SRRD: variants seen among roughly 807,000 people sequenced by gnomAD.
SRRD encodes the protein SRR1 domain containing.
SRRD carries 28 observed loss-of-function variants against 30.7 expected under a neutral mutation model. The ratio of observed to expected loss-of-function variants is 0.91; its 90% confidence interval spans 0.68 to 1.25. The LOEUF (loss-of-function observed/expected upper bound fraction) is 1.25. Among genes scored for constraint, SRRD ranks in the 50% most tolerant of loss-of-function variants. SRRD has a pLI of 0.00. For synonymous variants in SRRD, 161 were observed against 159.6 expected (o/e 1.01, Z -0.07); for missense variants, 415 against 417.3 (o/e 0.99, Z 0.05).
chr22:26,490,970 T>C, intron 5 of SRRD, 55 bp from the exon 6 acceptor site: 2 of 1,490,548 alleles, frequency 1.3e-6, no homozygotes, highest in South Asian at 1.2e-5. Flanking sequence ...ACTATCCTCA[T>C]ACCTCCTAAT....
At chr22:26,491,167 A>C (rs755600408) in intron 6 of SRRD, 97 bp downstream of exon 6, 3 of 1,232,810 alleles carry the variant, frequency 2.4e-6, no homozygotes, top group Non-Finnish European at 3.5e-6. Flanking sequence ...TCATGGGCTA[A>C]GTGGCGCTAG....
In SRRD at chr22:26,488,212, G is replaced by C; in HGVS notation, c.434G>C (p.Gly145Ala). Residue 145 changes from glycine to alanine, a missense_variant, in exon 3 of 7, where the codon GGC becomes GCC. Physicochemically the swap from Gly to Ala is moderately conservative, Grantham distance 60. Transcript: ENST00000215917. ...TGCCATTTGAAGTGTGTGTGTTACG[G>C]CATTGGGAACTTTGCCACCTGCATC... is the stretch of plus-strand genomic sequence containing the variant. ...GTCHLKCVCYGIGNFATCIVA... is the reference protein window; with the variant it reads ...GTCHLKCVCYAIGNFATCIVA... The C allele has an allele frequency of 6.2e-7, 1 of 1,614,170 alleles. No individual in the cohort carries two copies. The highest frequency in any genetic ancestry group is 8.5e-7 in the Non-Finnish European group (1 of 1,180,026).
chr22:26,490,033 C>A lies in SRRD; in HGVS notation c.610-11C>A. 6.2e-7 allele frequency: 1 copy of A among 1,613,724 alleles called. No homozygotes were observed. Among genetic ancestry groups the A allele is most frequent in the Non-Finnish European group, 8.5e-7 (1 of 1,179,728 alleles). ...TGGGCATGTTTACACCTGTGAATAT[C>A]GTATCCCCAGGAAGGGAAACGGAGT... is the stretch of plus-strand genomic sequence containing the variant. On this transcript the variant is annotated splice_polypyrimidine_tract_variant and intron_variant, in intron 4 of 6. Transcript: ENST00000215917.
intron 4 of SRRD, 144 bp from the exon 5 acceptor site, chr22:26,489,900 G>A (rs1033945308): frequency 1.0e-5 from 8 of 779,368 alleles, no homozygotes; most frequent in East Asian, 7.8e-5. Context: ...TTTCATATAC[G>A]AGTGTAACTG....
In SRRD at chr22:26,484,001, AGAGG is replaced by A; in HGVS notation, c.112_115del (p.Glu38ArgfsTer45). 1 of 28,258 alleles carries A rather than the reference AGAGG, an allele frequency of 3.5e-5. No individual in the cohort carries two copies. The highest frequency in any genetic ancestry group is 1.5e-3 in the South Asian group (1 of 684). 1.8% of individuals were successfully genotyped at this position (28,258 alleles called of 1,614,324 possible). The stretch of plus-strand genomic sequence containing the variant: ...GGAGGGAGGCGGCGCCCCGGGGGAG[AGAGG>A]CGGCGCCCCGGGGGAGAGAGGCGGC... On this transcript the variant is annotated frameshift_variant, in exon 1 of 7. Coordinates refer to ENST00000215917, the MANE Select transcript of SRRD (RefSeq NM_001013694.3). LOFTEE classifies it high-confidence loss of function.
chr22:26,488,491 A>G lies in SRRD; in HGVS notation c.609+3A>G. 6.2e-7 allele frequency: 1 copy of G among 1,608,704 alleles called. No homozygotes were observed. The highest frequency in any genetic ancestry group is 8.5e-7 in the Non-Finnish European group (1 of 1,175,056). On this transcript the variant is annotated splice_donor_region_variant and intron_variant, in intron 4 of 6. Coordinates refer to ENST00000215917, the MANE Select transcript of SRRD (RefSeq NM_001013694.3). Reference sequence around the variant, plus strand: ...TGACTGTTCTCAGTGAGAACGAGGTAAGTGGTTTAAAGGGGAGCAGACAGA... The same window carrying G: ...TGACTGTTCTCAGTGAGAACGAGGTGAGTGGTTTAAAGGGGAGCAGACAGA...
Position 26,493,923 on chromosome 22 carries a change from G to A in SRRD, c.*2251G>A. 1.8e-6 allele frequency: 1 copy of A among 540,868 alleles called. No homozygotes were observed. Among genetic ancestry groups the A allele is most frequent in the East Asian group, 3.3e-5 (1 of 30,406 alleles). The allele number at this position is 540,868 out of a possible 1,614,324, so 33.5% of individuals were successfully genotyped here. On this transcript the variant is annotated 3_prime_UTR_variant, in exon 7 of 7. Transcript: ENST00000215917. ...TCCAGCTTAAGTCAGTCTCCACTCAGGGAAGATGCCCCTCTCAGTCATGGT... is the reference window on the plus strand; with the variant it reads ...TCCAGCTTAAGTCAGTCTCCACTCAAGGAAGATGCCCCTCTCAGTCATGGT...
rs1198908594 is a variant in SRRD at position 26,490,349 on chromosome 22, A to G, written c.764+151A>G. 4 of 943,632 alleles carry G rather than the reference A, an allele frequency of 4.2e-6. No individual in the cohort carries two copies. The Admixed American group carries it at 1.2e-4, about 27-fold the overall frequency. The allele number at this position is 943,632 out of a possible 1,614,324, so 58.5% of individuals were successfully genotyped here. On this transcript the variant is annotated intron_variant, in intron 5 of 6. Transcript: ENST00000215917. The stretch of plus-strand genomic sequence containing the variant: ...GGATGAAGGCTTAAAGACAGATGTC[A>G]AATCCTGATTCGAACTATGAAGCAA...
Position 26,484,036 on chromosome 22 carries a change from G to GGGGGAGAGAGGCGGCGCCCCC in SRRD, c.149_150insGAGAGAGGCGGCGCCCCCGGG (p.Gly50_Pro51insArgGluAlaAlaProProGly). ...CCCCGGGGGAGAGAGGCGGCGCCCC[G>GGGGGAGAGAGGCGGCGCCCCC]GGGCCCCGAGGCGGAGTTCGAGTCT... is the stretch of plus-strand genomic sequence containing the variant. On this transcript the variant is annotated inframe_insertion, in exon 1 of 7. Transcript: ENST00000215917. 1 of 1,294,888 alleles carries GGGGGAGAGAGGCGGCGCCCCC rather than the reference G, an allele frequency of 7.7e-7. No homozygotes were observed. The highest frequency in any genetic ancestry group is 1.8e-5 in the African/African-American group (1 of 57,092). 80.2% of individuals were successfully genotyped at this position (1,294,888 alleles called of 1,614,324 possible). A position where few individuals can be genotyped will look rare whatever the true frequency, so the allele number is the denominator to read the frequency against.
rs532025998 is a variant in SRRD at position 26,494,064 on chromosome 22, C to T, written c.*2392C>T. 540 of 1,556,384 alleles carry T rather than the reference C, an allele frequency of 3.5e-4. 8 individuals are homozygous for T. In the South Asian group the frequency reaches 4.6e-3, roughly 13 times the overall value. On this transcript the variant is annotated 3_prime_UTR_variant, in exon 7 of 7. Coordinates refer to ENST00000215917, the MANE Select transcript of SRRD (RefSeq NM_001013694.3). ...GGCTGCCTACAGGAACCAGAAAACT[C>T]TGATTCTGTGTCATTTACATGTGTA... is the stretch of plus-strand genomic sequence containing the variant.
chr22:26,490,993 TTTTTG>T (rs1201325874), intron 5 of SRRD, 27 bp from the exon 6 acceptor site: 3 of 1,592,536 alleles, frequency 1.9e-6, no homozygotes, highest in Non-Finnish European at 2.6e-6. Context: ...TGGTGTTTTT[TTTTTG>T]TTTTTTTGGT....
chr22:26,484,196 T>A, intron 1 of SRRD, 97 bp downstream of exon 1: 1 of 1,226,628 alleles, frequency 8.2e-7, no homozygotes, highest in Non-Finnish European at 1.1e-6. Context: ...ATGCACACCC[T>A]TTAAGGAGTT....
Position 26,494,459 on chromosome 22 carries a change from T to A in SRRD, c.*2787T>A. On this transcript the variant is annotated 3_prime_UTR_variant, in exon 7 of 7. Coordinates refer to ENST00000215917, the MANE Select transcript of SRRD (RefSeq NM_001013694.3). ...AGCTAAACAGTCTAGCACTTATGAATATGGATTTTGGAGTCAGCCTGGTAG... is the reference window on the plus strand; with the variant it reads ...AGCTAAACAGTCTAGCACTTATGAAAATGGATTTTGGAGTCAGCCTGGTAG... 1.1e-6 allele frequency: 1 copy of A among 947,150 alleles called. No homozygotes were observed. Among genetic ancestry groups the A allele is most frequent in the Non-Finnish European group, 1.6e-6 (1 of 634,460 alleles). The allele number at this position is 947,150 out of a possible 1,614,324, so 58.7% of individuals were successfully genotyped here. A position where few individuals can be genotyped will look rare whatever the true frequency, so the allele number is the denominator to read the frequency against.
Position 26,490,125 on chromosome 22 carries a change from TGGAGTAA to T in SRRD, c.692_698del (p.Trp231SerfsTer4). The stretch of plus-strand genomic sequence containing the variant: ...GACGGCCTTGTACAACAATCTTTTA[TGGAGTAA>T]CTGGTCAGTAGATGCCCTTTCTAAG... On this transcript the variant is annotated frameshift_variant, in exon 5 of 7. Coordinates refer to ENST00000215917, the MANE Select transcript of SRRD (RefSeq NM_001013694.3). LOFTEE classifies it high-confidence loss of function. 2 of 1,614,174 alleles carry T rather than the reference TGGAGTAA, an allele frequency of 1.2e-6. No homozygotes were observed. The highest frequency in any genetic ancestry group is 4.5e-5 in the East Asian group (2 of 44,880).
intron 2 of SRRD, among the ~76,000 whole-genome samples, chr22:26,487,621 A>G (rs965655744): frequency 1.8e-4 from 28 of 152,228 alleles, no homozygotes; most frequent in Admixed American, 1.2e-3. Flanking sequence ...TAGGCCTCCC[A>G]AAGTGCTAGG....
At chr22:26,490,892 G>A in intron 5 of SRRD, 133 bp from the exon 6 acceptor site, 2 of 831,072 alleles carry the variant, frequency 2.4e-6, no homozygotes, top group Non-Finnish European at 3.8e-6. Context: ...CACATCTTGA[G>A]TTTTTTCCTG....
At position 26,488,146 on chromosome 22, in the gene SRRD, C is replaced by A. The variant is rs761494589; in HGVS notation, c.368C>A (p.Ala123Asp). ...LDSLPEESDV[A>D]TDSIPREILV... ...TCATTGCCAGAGGAGTCAGATGTGGCCACTGATTCTATCCCAAGAGAGATC... is the reference window on the plus strand; with the variant it reads ...TCATTGCCAGAGGAGTCAGATGTGGACACTGATTCTATCCCAAGAGAGATC... The change falls in exon 3 of 7, where the codon GCC becomes GAC. Residue 123 changes from alanine to aspartate, a missense_variant. By Grantham distance (126) the Ala-to-Asp change is moderately radical (BLOSUM62 -2). Transcript: ENST00000215917. 1.2e-6 allele frequency: 2 copies of A among 1,614,180 alleles called. No individual in the cohort carries two copies. Among genetic ancestry groups the A allele is most frequent in the Non-Finnish European group, 1.7e-6 (2 of 1,180,030 alleles).
chr22:26,486,915 T>C lies in SRRD; in HGVS notation c.250+852T>C, dbSNP rs1384499599. On this transcript the variant is annotated intron_variant, in intron 2 of 6. Transcript: ENST00000215917. ...TCTTGTTTAAAGATGTCTTTGCTGC[T>C]TTTTTTTTTTTTTTTTTTTCTTTTG... Among the ~76,000 whole-genome samples the C allele has an allele frequency of 4.5e-5, 6 of 133,596 alleles. No homozygotes were observed. In the East Asian group the frequency reaches 1.4e-3, roughly 32 times the overall value. 87.6% of individuals were successfully genotyped at this position (133,596 alleles called of 152,430 possible).
At chr22:26,489,353 T>C (rs1197874090) in intron 4 of SRRD, among the ~76,000 whole-genome samples, 1 of 152,094 alleles carries the variant, frequency 6.6e-6, no homozygotes, top group Non-Finnish European at 1.5e-5. Flanking sequence ...CAGAACCTTG[T>C]ACTACGACAG....
Sources: gnomAD v4.1 joint callset for allele counts (sites outside exome capture counted in the v4.1 genomes callset) on GRCh38, gnomAD v4.1.1 for gene constraint, MANE v1.5 for transcripts, NCBI Gene and HGNC (gene_info 2026-07-23, HGNC 2026-07-21) for gene names.